The following CTNNA2 variants were observed in gnomAD, a reference collection of about 807,000 sequenced individuals.
CTNNA2 encodes catenin alpha 2, also known as catenin alpha-2.
CTNNA2 carries 42 observed loss-of-function variants against 101.0 expected under a neutral mutation model. That is an observed-to-expected ratio of 0.42 (90% confidence interval 0.32 to 0.54). The LOEUF is 0.54. Among genes scored for constraint, CTNNA2 ranks in the 20% least tolerant of loss-of-function variants. CTNNA2 has a pLI of 0.14. For synonymous variants in CTNNA2, 450 were observed against 456.4 expected, an observed-to-expected ratio of 0.99 and a Z score of 0.18; for missense variants, 871 against 1,223.1, an observed-to-expected ratio of 0.71 and a Z score of 4.29.
chr2:79,479,625 C>T (rs1393062902), intron 4 of CTNNA2, among the ~76,000 whole-genome samples: 1 of 151,936 alleles, frequency 6.6e-6, no homozygotes, highest in Non-Finnish European at 1.5e-5. Flanking sequence ...AGTTGTGTTG[C>T]TATAGAGGAA....
chr2:80,256,777 G>A (rs752566416), intron 7 of CTNNA2, among the ~76,000 whole-genome samples: 30 of 152,148 alleles, frequency 2.0e-4, no homozygotes, highest in Non-Finnish European at 3.5e-4. Context: ...GAAGCCAGAC[G>A]TAGGACAGAT....
intron 1 of CTNNA2, among the ~76,000 whole-genome samples, chr2:79,555,100 G>C: frequency 6.6e-6 from 1 of 152,120 alleles, no homozygotes; most frequent in East Asian, 1.9e-4. Context: ...CACTCTTTTT[G>C]CCTTAGGGCA....
intron 7 of CTNNA2, among the ~76,000 whole-genome samples, chr2:79,970,834 G>C (rs1197549506): frequency 6.6e-6 from 1 of 152,112 alleles, no homozygotes; most frequent in African/African-American, 2.4e-5. Context: ...CACACTCAGA[G>C]GGGGAGACCT....
intron 9 of CTNNA2, among the ~76,000 whole-genome samples, chr2:80,463,225 T>G (rs1055454596): frequency 2.0e-5 from 3 of 152,202 alleles, no homozygotes; most frequent in Non-Finnish European, 1.5e-5. Flanking sequence ...TTCTGTTCCT[T>G]TTAAGTCCTT....
intron 9 of CTNNA2, among the ~76,000 whole-genome samples, chr2:80,532,388 C>A (rs1690619852): frequency 6.6e-6 from 1 of 152,164 alleles, no homozygotes; most frequent in African/African-American, 2.4e-5. Flanking sequence ...AGCATATGCA[C>A]TGTAGAGGCT....
chr2:79,856,778 C>T (rs1049141478), intron 3 of CTNNA2, among the ~76,000 whole-genome samples: 6 of 152,104 alleles, frequency 3.9e-5, no homozygotes, highest in African/African-American at 1.4e-4. Context: ...ATCTAGTCAG[C>T]CCTTAGATCG....
intron 2 of CTNNA2, among the ~76,000 whole-genome samples, chr2:79,256,577 T>C (rs913668043): frequency 6.6e-6 from 1 of 152,198 alleles, no homozygotes; most frequent in Non-Finnish European, 1.5e-5. Context: ...GTACTATGTT[T>C]TGAATGCACA....
At chr2:79,638,525 C>G (rs968250134) in intron 1 of CTNNA2, among the ~76,000 whole-genome samples, 5 of 152,154 alleles carry the variant, frequency 3.3e-5, no homozygotes, top group Admixed American at 2.6e-4. Flanking sequence ...TTTCAAGACT[C>G]ATAATTCAAT....
At chr2:79,300,355 T>C (rs1676080108) in intron 2 of CTNNA2, among the ~76,000 whole-genome samples, 1 of 152,214 alleles carries the variant, frequency 6.6e-6, no homozygotes, top group African/African-American at 2.4e-5. Flanking sequence ...CATTTCTTTT[T>C]ATACCTAAAT....
At chr2:80,439,956 T>G (rs1682412008) in intron 9 of CTNNA2, among the ~76,000 whole-genome samples, 1 of 152,142 alleles carries the variant, frequency 6.6e-6, no homozygotes. Context: ...TCTCTACTCT[T>G]GGGGAGCTTA....
At chr2:79,833,960 T>C (rs944620755) in intron 3 of CTNNA2, among the ~76,000 whole-genome samples, 1 of 152,214 alleles carries the variant, frequency 6.6e-6, no homozygotes, top group Non-Finnish European at 1.5e-5. Context: ...TCATTCTTTA[T>C]AAATTCCTTG....
intron 7 of CTNNA2, among the ~76,000 whole-genome samples, chr2:80,180,117 A>G (rs1239246380): frequency 6.6e-6 from 1 of 152,196 alleles, no homozygotes; most frequent in Non-Finnish European, 1.5e-5. Flanking sequence ...CCCAGTGCAC[A>G]GTTACCCTGG....
At chr2:79,662,540 T>C (rs1682109575) in intron 2 of CTNNA2, among the ~76,000 whole-genome samples, 1 of 152,120 alleles carries the variant, frequency 6.6e-6, no homozygotes. Flanking sequence ...GTAGAAATAT[T>C]ATCTGAACTG....
rs568516859 is a variant in CTNNA2 at position 80,108,040 on chromosome 2, G to C, written c.1056+198243G>C. Among the ~76,000 whole-genome samples, 23 of 152,266 alleles carry C rather than the reference G, an allele frequency of 1.5e-4. No individual in the cohort carries two copies. The Middle Eastern group carries it at 0.014, about 90-fold the overall frequency. ...CTTTCCTGGGCCCTGAGCCAGTCCTGATAGAGAGAAGAAAAAGGACATTTA... is the reference window on the plus strand; with the variant it reads ...CTTTCCTGGGCCCTGAGCCAGTCCTCATAGAGAGAAGAAAAAGGACATTTA... On this transcript the variant is annotated intron_variant, in intron 7 of 18. Coordinates refer to ENST00000402739, the MANE Select transcript of CTNNA2 (RefSeq NM_001282597.3).
At position 80,140,022 on chromosome 2, in the gene CTNNA2, G is replaced by C. The variant is rs73940962; in HGVS notation, c.1056+230225G>C. 2.6e-3 allele frequency among the ~76,000 whole-genome samples: 396 copies of C among 152,254 alleles called. 4 individuals carry two copies. The highest frequency in any genetic ancestry group is 8.7e-3 in the African/African-American group (363 of 41,556). On this transcript the variant is annotated intron_variant, in intron 7 of 18. Transcript: ENST00000402739. ...ATTTGGACTTCAGAGTACAGTGTGA[G>C]AACTAGAATCTTTACATTTAAGACA...
chr2:80,127,835 T>C (rs1224295788), intron 7 of CTNNA2, among the ~76,000 whole-genome samples: 10 of 152,158 alleles, frequency 6.6e-5, no homozygotes, highest in Non-Finnish European at 1.0e-4. Context: ...CAGGGATCAT[T>C]AGCCTAAAGA....
At chr2:79,288,102 C>T (rs1035283635) in intron 2 of CTNNA2, among the ~76,000 whole-genome samples, 3 of 152,190 alleles carry the variant, frequency 2.0e-5, no homozygotes, top group Non-Finnish European at 2.9e-5. Context: ...CGCCCTGCTT[C>T]ACCTCGCGCA....
rs35622290 is a variant in CTNNA2, at chr2:79,340,899, TAA to T, written c.-318+28115_-318+28116del. Reference sequence around the variant, plus strand: ...ATGAGTACAGAATCTAGGGATCTAGTAAAAAAAAAAAAAGTTCTTGATAGTAA... The same window carrying T: ...ATGAGTACAGAATCTAGGGATCTAGTAAAAAAAAAAAGTTCTTGATAGTAA... On this transcript the variant is annotated intron_variant, in intron 3 of 21. Transcript: ENST00000466387. Among the ~76,000 whole-genome samples, 881 of 119,982 alleles carry T rather than the reference TAA, an allele frequency of 7.3e-3. 5 individuals are homozygous for T. Among genetic ancestry groups the T allele is most frequent in the Middle Eastern group, 0.023 (5 of 222 alleles). 78.7% of individuals were successfully genotyped at this position (119,982 alleles called of 152,430 possible).
chr2:79,885,910 G>T (rs535605954), intron 6 of CTNNA2, among the ~76,000 whole-genome samples: 1 of 152,190 alleles, frequency 6.6e-6, no homozygotes, highest in South Asian at 2.1e-4. Context: ...GTAAGCATGG[G>T]CTACTAAGCC....
Sources: allele counts gnomAD v4.1 joint callset (sites outside exome capture counted in the v4.1 genomes callset), GRCh38; gene constraint gnomAD v4.1.1; transcripts MANE v1.5; gene names NCBI Gene and HGNC (gene_info 2026-07-23, HGNC 2026-07-21).